Variants in KANSL3 observed in about 807,000 individuals in gnomAD.
KANSL3 encodes the protein KAT8 regulatory NSL complex subunit 3.
In KANSL3, 16 loss-of-function variants were observed where a neutral mutation model predicts 89.2. That is an observed-to-expected ratio of 0.18 (90% CI 0.12 to 0.27). KANSL3 has a LOEUF of 0.27. KANSL3 is among the 10% of genes least tolerant of loss of function. The pLI is 1.00. For missense variants in KANSL3, 879 were observed against 1,110.6 expected, an observed-to-expected ratio of 0.79 and a Z score of 2.96; for synonymous variants, 385 against 419.7, an observed-to-expected ratio of 0.92 and a Z score of 1.01.
chr2:96,587,850 A>G, the KANSL3 span, among the ~76,000 whole-genome samples: 11 of 152,350 alleles, frequency 7.2e-5, no homozygotes, highest in Non-Finnish European at 1.5e-4. Context: ...TGAGAAATGA[A>G]AACTAGAATA....
chr2:96,607,855 G>A (rs796912192), intron 14 of KANSL3, among the ~76,000 whole-genome samples: 25 of 152,206 alleles, frequency 1.6e-4, no homozygotes, highest in African/African-American at 5.8e-4. Flanking sequence ...TGGACACATC[G>A]TTAAACACCA....
At chr2:96,616,971 A>C (rs1303108677) in intron 5 of KANSL3, among the ~76,000 whole-genome samples, 1 of 152,190 alleles carries the variant, frequency 6.6e-6, no homozygotes, top group Non-Finnish European at 1.5e-5. Context: ...TCACCAGAGA[A>C]CTGAGACCCT....
In KANSL3 at chr2:96,593,186, T is replaced by G; in HGVS notation, c.*2425A>C. On this transcript the variant is annotated 3_prime_UTR_variant, in exon 21 of 21. Transcript: ENST00000431828. Reference sequence around the variant, plus strand: ...CAATCCAAATGTTGTTTTTGGTGTTTTTAATTGTTTTTGTTAATGTAAAAA... The same window carrying G: ...CAATCCAAATGTTGTTTTTGGTGTTGTTAATTGTTTTTGTTAATGTAAAAA... 2.2e-6 allele frequency: 1 copy of G among 447,138 alleles called. No homozygotes were observed. The highest frequency in any genetic ancestry group is 4.5e-6 in the Non-Finnish European group (1 of 222,570). The allele number at this position is 447,138 out of a possible 1,614,324, so 27.7% of individuals were successfully genotyped here. A position where few individuals can be genotyped will look rare whatever the true frequency, so the allele number is the denominator to read the frequency against.
Position 96,601,689 on chromosome 2 carries a change from G to A in KANSL3, c.2570C>T (p.Ala857Val), listed in dbSNP as rs748490637. The part of the protein sequence containing the change: ...TTLSPMGSGA[A>V]PSEESSSQVL... ...CTGGGAAGAGGACTCCTCGGATGGG[G>A]CTGCTCCTGAGCCCATAGGGCTCAG... is the stretch of plus-strand genomic sequence containing the variant. Residue 857 changes from alanine (A) to valine (V), a missense_variant, in exon 20 of 21, where the codon GCC becomes GTC. Transcript: ENST00000431828. 3.1e-6 allele frequency: 5 copies of A among 1,613,362 alleles called. No homozygotes were observed. Among genetic ancestry groups the A allele is most frequent in the Non-Finnish European group, 3.4e-6 (4 of 1,179,586 alleles).
Position 96,609,519 on chromosome 2 carries a change from T to G in KANSL3, c.1363A>C (p.Met455Leu). The G allele has an allele frequency of 6.2e-7, 1 of 1,613,944 alleles. No individual in the cohort carries two copies. Among genetic ancestry groups the G allele is most frequent in the Non-Finnish European group, 8.5e-7 (1 of 1,179,816 alleles). Reference sequence around the variant, plus strand: ...TTTACCTGAATACATCTGTCCACCATGCTCTGAGTCAACCCTTCTGATTTC... The same window carrying G: ...TTTACCTGAATACATCTGTCCACCAGGCTCTGAGTCAACCCTTCTGATTTC... ...KKKSEGLTQSMVDRCIQDEIV... is the reference protein window; with the variant it reads ...KKKSEGLTQSLVDRCIQDEIV... The change falls in exon 12 of 21, where the codon ATG (methionine) becomes CTG (leucine). Residue 455 changes from methionine (M) to leucine (L), a missense_variant. Met to Leu is a conservative substitution (Grantham distance 15, BLOSUM62 2). Transcript: ENST00000431828.
At chr2:96,586,287 TA>T in the KANSL3 span, among the ~76,000 whole-genome samples, 8 of 151,550 alleles carry the variant, frequency 5.3e-5, no homozygotes, top group Non-Finnish European at 1.0e-4. Context: ...TGGGGGTGAT[TA>T]AAATACTACA....
At chr2:96,631,550 G>A in intron 2 of KANSL3, 68 bp from the exon 3 acceptor site, 2 of 1,527,438 alleles carry the variant, frequency 1.3e-6, no homozygotes, top group Non-Finnish European at 1.8e-6. Context: ...TCATCTGGTT[G>A]ACAAAAAATG....
chr2:96,632,604 T>G (rs2073586462), intron 2 of KANSL3, among the ~76,000 whole-genome samples: 1 of 152,170 alleles, frequency 6.6e-6, no homozygotes, highest in Admixed American at 6.5e-5. Context: ...TGCAGTTGAC[T>G]GAGATGGGCC....
intron 2 of KANSL3, among the ~76,000 whole-genome samples, chr2:96,633,408 T>TA (rs1289388369): frequency 3.8e-4 from 57 of 150,910 alleles, no homozygotes; most frequent in African/African-American, 1.2e-3. Context: ...CATCTCTACT[T>TA]AAAAAAAACA....
chr2:96,610,782 C>G lies in KANSL3; in HGVS notation c.1263G>C (p.Glu421Asp), dbSNP rs781055240. The G allele has an allele frequency of 1.9e-6, 3 of 1,614,022 alleles. No individual in the cohort carries two copies. The highest frequency in any genetic ancestry group is 2.7e-5 in the African/African-American group (2 of 75,046). ...CHPEAMEDFR[E>D]KIRAENSLVV... ...CCAAGCTGTTCTCAGCTCGAATCTT[C>G]TCCCGGAAGTCCTCCATGGCTTCAG... Residue 421 changes from glutamate (E) to aspartate (D), a missense_variant, in exon 11 of 21, where the codon GAG (glutamate) becomes GAC (aspartate). Glu to Asp is a conservative substitution (Grantham distance 45). This residue lies in a region of KANSL3 where 198 missense variants were observed against 260.3 expected (regional missense o/e 0.76). Transcript: ENST00000431828.
chr2:96,621,806 A>C (rs768402066), intron 3 of KANSL3, among the ~76,000 whole-genome samples: 3 of 152,102 alleles, frequency 2.0e-5, no homozygotes, highest in East Asian at 1.9e-4. Context: ...CAAAAGAAGT[A>C]AAGTCAACTC....
intron 1 of KANSL3, chr2:96,637,974 G>C (rs891610742): frequency 6.6e-6 from 1 of 152,266 alleles, no homozygotes; most frequent in Non-Finnish European, 1.5e-5. Context: ...TCGCCAGCTC[G>C]GGGAACTGAA....
At chr2:96,582,690 T>C in the KANSL3 span, among the ~76,000 whole-genome samples, 1 of 152,234 alleles carries the variant, frequency 6.6e-6, no homozygotes, top group Middle Eastern at 3.2e-3. Flanking sequence ...CTCTTGAGCA[T>C]GGGTAATATT....
At chr2:96,635,412 G>A (rs2074100072) in intron 2 of KANSL3, among the ~76,000 whole-genome samples, 2 of 152,176 alleles carry the variant, frequency 1.3e-5, no homozygotes, top group African/African-American at 4.8e-5. Flanking sequence ...AATTTTCTAA[G>A]TACCAAAAGA....
the KANSL3 span, among the ~76,000 whole-genome samples, chr2:96,584,604 TCCTA>T: frequency 1.3e-5 from 2 of 152,240 alleles, no homozygotes; most frequent in Non-Finnish European, 2.9e-5. Flanking sequence ...CTTTTTTAGC[TCCTA>T]CCTGTGGGTG....
At chr2:96,632,601 G>T (rs1226947512) in intron 2 of KANSL3, among the ~76,000 whole-genome samples, 1 of 152,182 alleles carries the variant, frequency 6.6e-6, no homozygotes, top group East Asian at 1.9e-4. Context: ...CACTGCAGTT[G>T]ACTGAGATGG....
intron 11 of KANSL3, 63 bp downstream of exon 11, chr2:96,610,663 C>T (rs1436861156): frequency 6.3e-7 from 1 of 1,577,400 alleles, no homozygotes; most frequent in Non-Finnish European, 8.7e-7. Flanking sequence ...ACATTGCCAG[C>T]TTCCAGGCTT....
chr2:96,628,865 C>G (rs1402176283), intron 3 of KANSL3, among the ~76,000 whole-genome samples: 1 of 152,084 alleles, frequency 6.6e-6, no homozygotes, highest in African/African-American at 2.4e-5. Context: ...CATAACCATA[C>G]CAGGCCACCT....
At chr2:96,616,408 C>T (rs2070122466) in intron 5 of KANSL3, among the ~76,000 whole-genome samples, 2 of 152,212 alleles carry the variant, frequency 1.3e-5, no homozygotes, top group Non-Finnish European at 2.9e-5. Context: ...GACCAAGCTT[C>T]CCTGGCCCTT....
Sources: allele counts gnomAD v4.1 joint callset (sites outside exome capture counted in the v4.1 genomes callset), GRCh38; gene constraint gnomAD v4.1.1; regional missense constraint gnomAD v4.1.1; transcripts MANE v1.5; gene names NCBI Gene and HGNC (gene_info 2026-07-23, HGNC 2026-07-21).